Variants in GRID1 observed in about 807,000 individuals in gnomAD.
The protein encoded by GRID1 is glutamate receptor ionotropic, delta-1.
A neutral mutation model predicts 98.0 loss-of-function variants in GRID1; 28 were observed. The observed-to-expected ratio is 0.29, with a 90% CI of 0.21 to 0.39. The LOEUF (loss-of-function observed/expected upper bound fraction) is 0.39, where lower values mean the gene tolerates loss of function less well. Ranked by LOEUF, GRID1 falls within the 10% of genes least tolerant of loss-of-function variation. The pLI, the probability that GRID1 is intolerant of heterozygous loss-of-function variation, is 1.00. For missense variants in GRID1, 1,111 were observed against 1,340.5 expected (o/e 0.83, Z 2.67); for synonymous variants, 553 against 538.5 (o/e 1.03, Z -0.37).
Position 86,206,785 on chromosome 10 carries a change from A to C in GRID1, c.236-137T>G. The C allele has an allele frequency of 1.4e-6, 1 of 723,504 alleles. No homozygotes were observed. The highest frequency in any genetic ancestry group is 2.8e-5 in the Admixed American group (1 of 35,370). 44.8% of individuals were successfully genotyped at this position (723,504 alleles called of 1,614,324 possible). A position where few individuals can be genotyped will look rare whatever the true frequency, so the allele number is the denominator to read the frequency against. On this transcript the variant is annotated intron_variant, in intron 2 of 15. Coordinates refer to ENST00000327946, the MANE Select transcript of GRID1 (RefSeq NM_017551.3). This position sits in a 1 kb window ranked among gnomAD's most constrained non-coding sequence, Gnocchi z 4.1. ...CTGCCTCCCTCCAGGACCAAGAACC[A>C]TCCTGGGCAGGCCAGTGGCTCTCAT... is the stretch of plus-strand genomic sequence containing the variant.
chr10:85,639,243 A>C (rs977497991), intron 13 of GRID1, among the ~76,000 whole-genome samples: 24 of 152,210 alleles, frequency 1.6e-4, no homozygotes, highest in African/African-American at 4.3e-4. Context: ...CACACACACA[A>C]AAAAAGAAGT....
rs566864509 is a variant in GRID1 at position 86,034,985 on chromosome 10, A to G, written c.726+103834T>C. Among the ~76,000 whole-genome samples the G allele has an allele frequency of 1.2e-4, 18 of 152,048 alleles. 1 individual carries two copies. Among genetic ancestry groups the G allele is most frequent in the Admixed American group, 5.9e-4 (9 of 15,268 alleles). On this transcript the variant is annotated intron_variant, in intron 4 of 15. Coordinates refer to ENST00000327946, the MANE Select transcript of GRID1 (RefSeq NM_017551.3). The stretch of plus-strand genomic sequence containing the variant: ...GGTTGGATGGATGGATGGTGGGTGG[A>G]TGGATAAGTATACAGGTACATGGAA...
chr10:85,607,847 TC>T (rs544767714), intron 15 of GRID1, among the ~76,000 whole-genome samples: 150 of 148,954 alleles, frequency 1.0e-3, no homozygotes, highest in Admixed American at 2.7e-3. Flanking sequence ...AGACAGGGTC[TC>T]CCTCTGTCAC....
At chr10:85,779,489 G>T (rs1033958594) in intron 8 of GRID1, among the ~76,000 whole-genome samples, 2 of 151,976 alleles carry the variant, frequency 1.3e-5, no homozygotes, top group Non-Finnish European at 2.9e-5. Context: ...ACCACTCCCA[G>T]ATGTTTCAGA....
At chr10:85,963,635 A>G (rs1842300020) in intron 4 of GRID1, among the ~76,000 whole-genome samples, 1 of 152,192 alleles carries the variant, frequency 6.6e-6, no homozygotes, top group South Asian at 2.1e-4. Context: ...TTTCATGTCC[A>G]TATGTATAAG....
At chr10:85,978,066 C>T (rs937742300) in intron 4 of GRID1, among the ~76,000 whole-genome samples, 13 of 152,230 alleles carry the variant, frequency 8.5e-5, no homozygotes, top group Admixed American at 5.2e-4. Flanking sequence ...CAGGGATCCT[C>T]ACATACCTGG....
chr10:86,060,794 C>T (rs1843637743), intron 4 of GRID1, among the ~76,000 whole-genome samples: 1 of 152,194 alleles, frequency 6.6e-6, no homozygotes, highest in African/African-American at 2.4e-5. Flanking sequence ...ACAGCTACTG[C>T]ACCATGGCCA....
chr10:86,233,687 T>C (rs1455456480), intron 2 of GRID1, among the ~76,000 whole-genome samples: 2 of 152,128 alleles, frequency 1.3e-5, no homozygotes, highest in African/African-American at 2.4e-5. Context: ...ACTTACATGA[T>C]ACCACATCCT....
chr10:86,228,774 G>A (rs1357123843), intron 2 of GRID1, among the ~76,000 whole-genome samples: 2 of 152,188 alleles, frequency 1.3e-5, no homozygotes, highest in Admixed American at 6.5e-5. Flanking sequence ...CCCTCAGGAA[G>A]TGGATGTGTG....
rs554091061 is a variant in GRID1 at position 85,943,780 on chromosome 10, T to C, written c.727-27541A>G. On this transcript the variant is annotated intron_variant, in intron 4 of 15. Coordinates refer to ENST00000327946, the MANE Select transcript of GRID1 (RefSeq NM_017551.3). ...ATGGGGCAAAGGATTGCAAAAGCAA[T>C]GCAGAGAAAAAGAAATTGAAAAGGC... Among the ~76,000 whole-genome samples the C allele has an allele frequency of 2.6e-5, 4 of 152,284 alleles. No individual in the cohort carries two copies. In the East Asian group the frequency reaches 7.7e-4, roughly 29 times the overall value.
At chr10:85,931,082 T>C (rs1244316423) in intron 4 of GRID1, among the ~76,000 whole-genome samples, 1 of 152,170 alleles carries the variant, frequency 6.6e-6, no homozygotes, top group East Asian at 1.9e-4. Context: ...TCTGCAGGCC[T>C]TAGCCTCCCA....
At chr10:86,209,768 G>A (rs191960492) in intron 2 of GRID1, among the ~76,000 whole-genome samples, 84 of 152,188 alleles carry the variant, frequency 5.5e-4, no homozygotes, top group African/African-American at 1.8e-3. Context: ...GGACTCCCAC[G>A]GAGAGTCCTC....
At chr10:85,719,859 CAA>C (rs1445334746) in intron 12 of GRID1, among the ~76,000 whole-genome samples, 8 of 151,968 alleles carry the variant, frequency 5.3e-5, no homozygotes, top group Admixed American at 5.2e-4. Flanking sequence ...AATTTTAAAA[CAA>C]GAGAAAATCT....
At chr10:85,873,401 A>G (rs1406427006) in intron 5 of GRID1, among the ~76,000 whole-genome samples, 1 of 152,230 alleles carries the variant, frequency 6.6e-6, no homozygotes, top group Non-Finnish European at 1.5e-5. Flanking sequence ...GTAACACATC[A>G]TACACAGATG....
rs559941501 is a variant in GRID1, at chr10:86,314,307, T to C, written c.235+49634A>G. On this transcript the variant is annotated intron_variant, in intron 2 of 15. Transcript: ENST00000327946. The stretch of plus-strand genomic sequence containing the variant: ...AGAATGAGCCCCACATGAGCATGGA[T>C]GGGACAGGTCCCAAGGGTTGTCCCA... 4.6e-5 allele frequency among the ~76,000 whole-genome samples: 7 copies of C among 152,314 alleles called. No individual in the cohort carries two copies. The South Asian group carries it at 1.2e-3, about 27-fold the overall frequency.
chr10:86,231,258 G>A lies in GRID1; in HGVS notation c.236-24610C>T, dbSNP rs530554620. ...CTAATCTGCTGGAAATCTGAAGATA[G>A]TGTCTCCCAGGAGGGAGGCAGGGGG... On this transcript the variant is annotated intron_variant, in intron 2 of 15. Transcript: ENST00000327946. Among the ~76,000 whole-genome samples the A allele has an allele frequency of 2.6e-5, 4 of 152,332 alleles. No homozygotes were observed. In the East Asian group the frequency reaches 7.7e-4, roughly 29 times the overall value.
At chr10:86,009,486 C>A (rs550320827) in intron 4 of GRID1, among the ~76,000 whole-genome samples, 23 of 152,306 alleles carry the variant, frequency 1.5e-4, no homozygotes, top group African/African-American at 5.3e-4. Context: ...GGCTTCTAAT[C>A]AATCCATCTG....
At chr10:86,100,389 T>C (rs990090491) in intron 4 of GRID1, among the ~76,000 whole-genome samples, 1 of 152,154 alleles carries the variant, frequency 6.6e-6, no homozygotes, top group African/African-American at 2.4e-5. Context: ...GCATTTTTCT[T>C]AGGTGCTGGA....
At chr10:86,359,211 C>T (rs1170528929) in intron 2 of GRID1, among the ~76,000 whole-genome samples, 1 of 152,200 alleles carries the variant, frequency 6.6e-6, no homozygotes, top group African/African-American at 2.4e-5. Context: ...TAGGAAGACA[C>T]GGACATCACA....
Sources: allele counts gnomAD v4.1 joint callset (sites outside exome capture counted in the v4.1 genomes callset), GRCh38; gene constraint gnomAD v4.1.1; non-coding constraint Gnocchi (gnomAD v3.1); transcripts MANE v1.5; gene names NCBI Gene and HGNC (gene_info 2026-07-23, HGNC 2026-07-21).